Variants in MYRIP observed in about 807,000 individuals in gnomAD.
The protein encoded by MYRIP is myosin VIIA and Rab interacting protein.
In MYRIP, 49 loss-of-function variants were observed where a neutral mutation model predicts 98.0. The observed-to-expected ratio is 0.50, with a 90% confidence interval of 0.40 to 0.63. The LOEUF (loss-of-function observed/expected upper bound fraction) is 0.63. Ranked by LOEUF, MYRIP falls within the 30% of genes least tolerant of loss-of-function variation. The probability of loss-of-function intolerance (pLI) is 0.00; values close to 1 mark genes in which losing one functional copy is unlikely to be tolerated. For missense variants in MYRIP, 1,004 were observed against 1,058.2 expected, an observed-to-expected ratio of 0.95 and a Z score of 0.71; for synonymous variants, 404 against 409.5, an observed-to-expected ratio of 0.99 and a Z score of 0.16.
At chr3:40,211,840 A>G (rs2125668804) in intron 11 of MYRIP, among the ~76,000 whole-genome samples, 1 of 151,808 alleles carries the variant, frequency 6.6e-6, no homozygotes, top group Middle Eastern at 3.4e-3. Context: ...AATGTACGCT[A>G]TTCTCCCCTG....
At chr3:40,202,960 T>C (rs55962832) in intron 10 of MYRIP, among the ~76,000 whole-genome samples, 47,234 of 151,272 alleles carry the variant, frequency 0.31, 8,329 homozygotes, top group East Asian at 0.57. Flanking sequence ...AGACTGAGTT[T>C]TGCTCTGTCG....
chr3:39,970,674 AG>A (rs1272898391), intron 2 of MYRIP, among the ~76,000 whole-genome samples: 8 of 152,124 alleles, frequency 5.3e-5, no homozygotes, highest in Non-Finnish European at 1.2e-4. Context: ...ATTTGAGATC[AG>A]TGGGGAGAAA....
intron 11 of MYRIP, among the ~76,000 whole-genome samples, chr3:40,229,347 T>C (rs564384643): frequency 3.3e-4 from 51 of 152,284 alleles, no homozygotes; most frequent in Middle Eastern, 3.4e-3. Flanking sequence ...AGTCTTACTC[T>C]GCCTACAGTC....
chr3:39,888,600 AT>A (rs1193258837), intron 1 of MYRIP, among the ~76,000 whole-genome samples: 1 of 152,238 alleles, frequency 6.6e-6, no homozygotes, highest in African/African-American at 2.4e-5. Flanking sequence ...AGGCTTTACC[AT>A]TCAGGACATA....
At chr3:40,064,088 G>T (rs1948078011) in intron 3 of MYRIP, among the ~76,000 whole-genome samples, 1 of 152,120 alleles carries the variant, frequency 6.6e-6, no homozygotes, top group Admixed American at 6.5e-5. Flanking sequence ...TCTGAGGGCT[G>T]AATCTAGGCT....
intron 11 of MYRIP, among the ~76,000 whole-genome samples, chr3:40,212,229 CACACACACACACACACATATATATATAT>C (rs1951974049): frequency 9.4e-5 from 1 of 10,686 alleles, no homozygotes; most frequent in African/African-American, 1.6e-4. Flanking sequence ...TATATATACA[CACACACACACACACACATATATATATAT>C]ACACGTATAT....
chr3:40,189,732 C>T, intron 9 of MYRIP, 94 bp from the exon 10 acceptor site: 1 of 1,349,264 alleles, frequency 7.4e-7, no homozygotes, highest in Non-Finnish European at 1.0e-6. Flanking sequence ...AACAGCCCCA[C>T]AAGCCACTCT....
At chr3:39,911,480 AG>A (rs1220425553) in intron 2 of MYRIP, among the ~76,000 whole-genome samples, 1 of 152,184 alleles carries the variant, frequency 6.6e-6, no homozygotes, top group Non-Finnish European at 1.5e-5. Flanking sequence ...CAAATGCCAG[AG>A]ACTCAGCTTC....
intron 13 of MYRIP, 48 bp downstream of exon 13, chr3:40,244,655 G>A: frequency 6.5e-7 from 1 of 1,536,728 alleles, no homozygotes; most frequent in South Asian, 1.3e-5. Flanking sequence ...GGTGAAACAG[G>A]GAGCCCCATG....
chr3:39,941,371 AC>A (rs1944779700), intron 2 of MYRIP, among the ~76,000 whole-genome samples: 1 of 151,898 alleles, frequency 6.6e-6, no homozygotes. Context: ...CACCTCCATG[AC>A]CCTAACACCT....
At chr3:40,031,555 G>T (rs999272237) in intron 2 of MYRIP, among the ~76,000 whole-genome samples, 2 of 152,118 alleles carry the variant, frequency 1.3e-5, no homozygotes, top group South Asian at 4.1e-4. Flanking sequence ...TTGAAGGGCT[G>T]TACTCTTAGT....
chr3:40,129,799 A>G (rs1249383740), intron 3 of MYRIP, among the ~76,000 whole-genome samples: 1 of 152,158 alleles, frequency 6.6e-6, no homozygotes, highest in East Asian at 1.9e-4. Context: ...CCTTCTCACA[A>G]CTGTATTGTT....
chr3:40,256,486 G>A (rs1246745559), intron 16 of MYRIP, among the ~76,000 whole-genome samples: 2 of 150,656 alleles, frequency 1.3e-5, no homozygotes, highest in Non-Finnish European at 3.0e-5. Context: ...ATTAAGACCA[G>A]AAATTATAGA....
chr3:40,110,023 A>G (rs1374109373), intron 3 of MYRIP, among the ~76,000 whole-genome samples: 1 of 152,092 alleles, frequency 6.6e-6, no homozygotes, highest in Admixed American at 6.5e-5. Flanking sequence ...GGTAACTATG[A>G]TAAGTGCAAC....
chr3:40,019,018 T>G (rs1946931208), intron 2 of MYRIP, among the ~76,000 whole-genome samples: 1 of 152,172 alleles, frequency 6.6e-6, no homozygotes, highest in South Asian at 2.1e-4. Flanking sequence ...TCCCTGATGC[T>G]CTCAGCTTTT....
intron 3 of MYRIP, among the ~76,000 whole-genome samples, chr3:40,068,027 AACCCATTT>A (rs1477021670): frequency 6.6e-6 from 1 of 152,216 alleles, no homozygotes; most frequent in Non-Finnish European, 1.5e-5. Flanking sequence ...TCAATGTATT[AACCCATTT>A]TCATGATTTT....
chr3:40,218,621 TATATATATA>T (rs1559460445), intron 11 of MYRIP, among the ~76,000 whole-genome samples: 2,473 of 81,350 alleles, frequency 0.03, 73 homozygotes, highest in Non-Finnish European at 0.043. Flanking sequence ...TTTATATATA[TATATATATA>T]TATATATATA....
chr3:40,235,099 T>A (rs1952791806), intron 12 of MYRIP, among the ~76,000 whole-genome samples: 1 of 152,052 alleles, frequency 6.6e-6, no homozygotes, highest in African/African-American at 2.4e-5. Flanking sequence ...CCACTATCTG[T>A]CTTCTGAGCC....
At chr3:40,110,466 A>G (rs1462217893) in intron 3 of MYRIP, among the ~76,000 whole-genome samples, 3 of 152,236 alleles carry the variant, frequency 2.0e-5, no homozygotes, top group African/African-American at 7.2e-5. Flanking sequence ...AGTAGAAGTA[A>G]TGTTGATTTC....
Sources: gnomAD v4.1 joint callset for allele counts (sites outside exome capture counted in the v4.1 genomes callset) on GRCh38, gnomAD v4.1.1 for gene constraint, MANE v1.5 for transcripts, NCBI Gene and HGNC (gene_info 2026-07-23, HGNC 2026-07-21) for gene names.